The following KCNA3 variants were observed in gnomAD, a reference collection of about 807,000 sequenced individuals.
KCNA3 encodes the protein potassium voltage-gated channel subfamily A member 3.
KCNA3 carries 18 observed loss-of-function variants against 34.3 expected under a neutral mutation model. That is an observed-to-expected ratio of 0.52 (90% CI 0.36 to 0.78). The LOEUF (loss-of-function observed/expected upper bound fraction) is 0.78. Among genes scored for constraint, KCNA3 ranks in the 30% least tolerant of loss-of-function variants. The pLI is 0.00. For synonymous variants in KCNA3, 324 were observed against 351.7 expected, an observed-to-expected ratio of 0.92 and a Z score of 0.88; for missense variants, 587 against 802.5, an observed-to-expected ratio of 0.73 and a Z score of 3.24.
In KCNA3 at chr1:110,674,544, A is replaced by G. The variant is rs1393570166; in HGVS notation, c.266T>C (p.Leu89Pro). 8 of 1,588,856 alleles carry G rather than the reference A, an allele frequency of 5.0e-6. No individual in the cohort carries two copies. Residue 89 changes from leucine (L) to proline (P), a missense_variant, in exon 1 of 1, where the codon CTG becomes CCG. Leu to Pro is a moderately conservative substitution (Grantham distance 98). This residue lies in a region of KCNA3 where 341 missense variants were observed against 355.4 expected (regional missense o/e 0.96). Transcript: ENST00000369769. This position sits in a 1 kb window ranked among gnomAD's most constrained non-coding sequence, Gnocchi z 6.4. ...GGGGCDRYEPLPPSLPAAGEQ... is the reference protein window; with the variant it reads ...GGGGCDRYEPPPPSLPAAGEQ... ...GCCCGCGGCCGGCAGTGAGGGCGGCAGCGGCTCGTAGCGGTCGCAGCCGCC... is the reference window on the plus strand; with the variant it reads ...GCCCGCGGCCGGCAGTGAGGGCGGCGGCGGCTCGTAGCGGTCGCAGCCGCC...
At chr1:110,655,333 A>C in the KCNA3 span, 3 of 152,142 alleles carry the variant, frequency 2.0e-5, no homozygotes. Flanking sequence ...GACAGTTTAA[A>C]GTAAACTAAA....
the KCNA3 span, among the ~76,000 whole-genome samples, chr1:110,661,174 G>A: frequency 1.9e-4 from 29 of 152,240 alleles, no homozygotes; most frequent in African/African-American, 6.3e-4. Context: ...TTTAGCAGGC[G>A]CCCAAAACCA....
rs768629397 is a variant in KCNA3 at position 110,673,562 on chromosome 1, G to A, written c.1248C>T (p.Val416=). 2.5e-6 allele frequency: 4 copies of A among 1,614,070 alleles called. No individual in the cohort carries two copies. In the East Asian group the frequency reaches 8.9e-5, roughly 36 times the overall value. ...FIGVILFSSA[V]YFAEADDPTS... ...TGGGGTCGTCTGCCTCGGCAAAGTA[G>A]ACCGCGCTGGAGAAAAGGATGACCC... The change falls in exon 1 of 1, where the codon GTC becomes GTT. Residue 416 remains valine, a synonymous_variant. Coordinates refer to ENST00000369769, the MANE Select transcript of KCNA3 (RefSeq NM_002232.5). The surrounding 1 kb of genome is among the most constrained non-coding windows in gnomAD (Gnocchi z 8.8).
At chr1:110,668,973 T>TTTAA (rs1295505972), downstream of KCNA3, among the ~76,000 whole-genome samples, 1 of 152,214 alleles carries the variant, frequency 6.6e-6, no homozygotes, top group Non-Finnish European at 1.5e-5. Flanking sequence ...TCATAAATGA[T>TTTAA]TTAAGAACTG....
the KCNA3 span, chr1:110,654,272 A>T: frequency 6.6e-5 from 10 of 152,292 alleles, no homozygotes; most frequent in East Asian, 1.9e-3. Context: ...CTTTTTGAAT[A>T]GTTACAGGAA....
At chr1:110,653,587 T>C in the KCNA3 span, 2 of 152,346 alleles carry the variant, frequency 1.3e-5, no homozygotes, top group South Asian at 4.1e-4. Flanking sequence ...TTGAATTCTG[T>C]ATATAACATT....
the KCNA3 span, among the ~76,000 whole-genome samples, chr1:110,657,668 A>G: frequency 6.6e-6 from 1 of 152,244 alleles, no homozygotes; most frequent in Non-Finnish European, 1.5e-5. Context: ...ACCTGTAATA[A>G]TAATTCAGAT....
the KCNA3 span, among the ~76,000 whole-genome samples, chr1:110,657,518 T>C: frequency 6.6e-6 from 1 of 152,200 alleles, no homozygotes; most frequent in Non-Finnish European, 1.5e-5. Context: ...TGAATAAATA[T>C]TCTGGTCTAC....
the KCNA3 span, among the ~76,000 whole-genome samples, chr1:110,662,811 TA>T: frequency 6.6e-6 from 1 of 152,166 alleles, no homozygotes; most frequent in Non-Finnish European, 1.5e-5. Flanking sequence ...TAATAATAAA[TA>T]TCTTCAATTT....
chr1:110,658,198 T>C, the KCNA3 span, among the ~76,000 whole-genome samples: 1 of 152,230 alleles, frequency 6.6e-6, no homozygotes, highest in East Asian at 1.9e-4. Context: ...AGGTATAAGA[T>C]TGTTTTAGTT....
At chr1:110,656,749 A>G in the KCNA3 span, 2 of 152,230 alleles carry the variant, frequency 1.3e-5, no homozygotes, top group South Asian at 4.1e-4. Context: ...TGAGTGTGCA[A>G]TAAGGCTCTG....
chr1:110,663,922 A>T, the KCNA3 span, among the ~76,000 whole-genome samples: 1 of 152,242 alleles, frequency 6.6e-6, no homozygotes, highest in Non-Finnish European at 1.5e-5. Context: ...TTATTATTTT[A>T]AAAAATAGCT....
the KCNA3 span, among the ~76,000 whole-genome samples, chr1:110,657,417 A>G: frequency 6.6e-6 from 1 of 152,200 alleles, no homozygotes; most frequent in Non-Finnish European, 1.5e-5. Context: ...TTTGGAGATC[A>G]TTGAATCCAG....
chr1:110,655,567 G>A, the KCNA3 span: 14 of 152,144 alleles, frequency 9.2e-5, 1 homozygote, highest in African/African-American at 3.4e-4. Flanking sequence ...ATACATAAGC[G>A]ACTCAATTAC....
chr1:110,672,926 T>C lies in KCNA3; in HGVS notation c.*156A>G. ...TGCAAAACAGGCACCTGTTTCAGTA[T>C]GAAGCAGCAGGGAGAGGGAGAATGA... On this transcript the variant is annotated 3_prime_UTR_variant, in exon 1 of 1. Transcript: ENST00000369769. 1 of 740,502 alleles carries C rather than the reference T, an allele frequency of 1.4e-6. No homozygotes were observed. The highest frequency in any genetic ancestry group is 2.2e-6 in the Non-Finnish European group (1 of 458,566). 45.9% of individuals were successfully genotyped at this position (740,502 alleles called of 1,614,324 possible).
the KCNA3 span, among the ~76,000 whole-genome samples, chr1:110,660,955 T>A: frequency 3.9e-5 from 6 of 152,272 alleles, no homozygotes; most frequent in East Asian, 9.6e-4. Context: ...ACTCAGTAAA[T>A]ACATGTTGAA....
chr1:110,674,577 C>A lies in KCNA3; in HGVS notation c.233G>T (p.Cys78Phe). 4.4e-6 allele frequency: 7 copies of A among 1,573,970 alleles called. No individual in the cohort carries two copies. Among genetic ancestry groups the A allele is most frequent in the Non-Finnish European group, 5.2e-6 (6 of 1,162,732 alleles). Residue 78 changes from cysteine to phenylalanine, a missense_variant, in exon 1 of 1, where the codon TGT becomes TTT. Physicochemically the swap from Cys to Phe is radical, Grantham distance 205. Coordinates refer to ENST00000369769, the MANE Select transcript of KCNA3 (RefSeq NM_002232.5). The surrounding 1 kb of genome is among the most constrained non-coding windows in gnomAD (Gnocchi z 6.4). ...DGGGAPPQGG[C>F]GGGGCDRYEP... ...GTAGCGGTCGCAGCCGCCGCCGCCA[C>A]AGCCGCCTTGAGGCGGGGCCCCTCC...
downstream of KCNA3, among the ~76,000 whole-genome samples, chr1:110,671,014 T>C (rs1410856143): frequency 1.3e-5 from 2 of 152,220 alleles, no homozygotes; most frequent in South Asian, 2.1e-4. Flanking sequence ...TGAAACAGAA[T>C]GATTATGTTT....
chr1:110,670,730 T>C (rs990744836), downstream of KCNA3, among the ~76,000 whole-genome samples: 1 of 152,120 alleles, frequency 6.6e-6, no homozygotes, highest in African/African-American at 2.4e-5. Context: ...AAAACAAATA[T>C]ATGATAAAAA....
Sources: allele counts gnomAD v4.1 joint callset (sites outside exome capture counted in the v4.1 genomes callset), GRCh38; gene constraint gnomAD v4.1.1; regional missense constraint gnomAD v4.1.1; non-coding constraint Gnocchi (gnomAD v3.1); transcripts MANE v1.5; gene names NCBI Gene and HGNC (gene_info 2026-07-23, HGNC 2026-07-21).